SLIT3: variants seen among roughly 807,000 people sequenced by gnomAD.
SLIT3 encodes slit homolog 3 protein.
SLIT3 carries 68 observed loss-of-function variants against 184.0 expected under a neutral mutation model. The observed-to-expected ratio is 0.37, with a 90% CI of 0.30 to 0.45. The LOEUF (loss-of-function observed/expected upper bound fraction) is 0.45. SLIT3 is among the 20% of genes least tolerant of loss of function. The pLI is 1.00. For missense variants in SLIT3, 1,707 were observed against 2,026.0 expected (o/e 0.84, Z 3.02); for synonymous variants, 831 against 828.6 (o/e 1.00, Z -0.05).
At chr5:168,806,863 G>A (rs1289666029) in intron 8 of SLIT3, among the ~76,000 whole-genome samples, 1 of 152,190 alleles carries the variant, frequency 6.6e-6, no homozygotes, top group Non-Finnish European at 1.5e-5. Context: ...GGCCCTCAGA[G>A]TCAGTCACAC....
At chr5:168,954,289 A>G (rs1762751980) in intron 4 of SLIT3, among the ~76,000 whole-genome samples, 1 of 152,154 alleles carries the variant, frequency 6.6e-6, no homozygotes, top group African/African-American at 2.4e-5. Context: ...ACACAATGTG[A>G]GAGGACTGTA....
chr5:169,150,701 T>C (rs900573064), intron 4 of SLIT3, among the ~76,000 whole-genome samples: 1 of 152,114 alleles, frequency 6.6e-6, no homozygotes, highest in African/African-American at 2.4e-5. Flanking sequence ...CTGCTGTGTT[T>C]TAATACTAAT....
chr5:168,723,037 T>C (rs891380900), intron 21 of SLIT3, 33 bp from the exon 22 acceptor site: 7 of 1,541,438 alleles, frequency 4.5e-6, no homozygotes, highest in Middle Eastern at 1.7e-4. Context: ...GTCATGCTTT[T>C]GTCTTAGTTG....
At chr5:168,940,717 C>T (rs114259029) in intron 4 of SLIT3, among the ~76,000 whole-genome samples, 6,339 of 152,182 alleles carry the variant, frequency 0.042, 187 homozygotes, top group Middle Eastern at 0.1. Flanking sequence ...CTGGGCTTTT[C>T]GGGACAGTTT....
At chr5:168,855,154 A>C (rs1042218046) in intron 5 of SLIT3, among the ~76,000 whole-genome samples, 6 of 152,222 alleles carry the variant, frequency 3.9e-5, no homozygotes, top group African/African-American at 1.4e-4. Flanking sequence ...AAAAAGCCCT[A>C]GGATCACATG....
intron 21 of SLIT3, 141 bp downstream of exon 21, chr5:168,724,275 T>G (rs1763035972): frequency 2.0e-6 from 1 of 499,270 alleles, no homozygotes; most frequent in South Asian, 3.8e-5. Flanking sequence ...GCAGACTGGC[T>G]TCTGGTCCTA....
chr5:169,128,869 G>A (rs977207393), intron 4 of SLIT3, among the ~76,000 whole-genome samples: 4 of 152,092 alleles, frequency 2.6e-5, no homozygotes, highest in African/African-American at 7.2e-5. Flanking sequence ...CACTCCAGGC[G>A]ACTGCAGCTC....
At chr5:169,250,077 G>C (rs1359339359) in intron 2 of SLIT3, among the ~76,000 whole-genome samples, 1 of 152,236 alleles carries the variant, frequency 6.6e-6, no homozygotes, top group Non-Finnish European at 1.5e-5. Context: ...ACTGCATGGA[G>C]GTTAGAAAGC....
chr5:169,137,276 A>T (rs1761540806), intron 4 of SLIT3, among the ~76,000 whole-genome samples: 1 of 148,838 alleles, frequency 6.7e-6, no homozygotes. Context: ...TCTCTCAATT[A>T]ATCTCCCCCT....
At chr5:168,870,585 C>T (rs1281208583) in intron 5 of SLIT3, among the ~76,000 whole-genome samples, 1 of 152,184 alleles carries the variant, frequency 6.6e-6, no homozygotes, top group African/African-American at 2.4e-5. Context: ...CTTGACCCTG[C>T]CACGGAATTT....
intron 14 of SLIT3, 71 bp downstream of exon 14, chr5:168,772,710 G>C: frequency 6.5e-7 from 1 of 1,549,282 alleles, no homozygotes; most frequent in Non-Finnish European, 8.9e-7. Context: ...CCTCCAGATT[G>C]GATTATTGGC....
chr5:169,258,210 A>C (rs911822359), intron 1 of SLIT3, among the ~76,000 whole-genome samples: 1 of 152,216 alleles, frequency 6.6e-6, no homozygotes, highest in African/African-American at 2.4e-5. Flanking sequence ...CAAAGGCCAT[A>C]GTTTCACTTA....
intron 6 of SLIT3, among the ~76,000 whole-genome samples, chr5:168,835,156 G>A (rs1033765040): frequency 1.4e-4 from 21 of 152,130 alleles, no homozygotes; most frequent in Non-Finnish European, 2.2e-4. Context: ...AGCCACAGGC[G>A]GGCCCAGGGT....
chr5:169,160,795 C>T (rs1329147943), intron 4 of SLIT3, among the ~76,000 whole-genome samples: 1 of 152,184 alleles, frequency 6.6e-6, no homozygotes, highest in Non-Finnish European at 1.5e-5. Flanking sequence ...AACAGGCCAA[C>T]CACGTGAAGC....
intron 9 of SLIT3, among the ~76,000 whole-genome samples, chr5:168,803,393 G>A (rs1042296689): frequency 2.6e-5 from 4 of 152,204 alleles, no homozygotes; most frequent in African/African-American, 9.7e-5. Context: ...AGTCGTAATA[G>A]ACAGGCTTTT....
intron 4 of SLIT3, among the ~76,000 whole-genome samples, chr5:169,065,364 T>C (rs17734741): frequency 0.037 from 5,640 of 152,186 alleles, 372 homozygotes; most frequent in East Asian, 0.23. Flanking sequence ...TGATGCCAAA[T>C]GGTTAATATG....
intron 17 of SLIT3, among the ~76,000 whole-genome samples, chr5:168,753,447 G>A (rs554705623): frequency 5.9e-5 from 9 of 152,344 alleles, no homozygotes; most frequent in African/African-American, 2.2e-4. Context: ...GTATGTATGT[G>A]TGTGCTTGTG....
intron 32 of SLIT3, among the ~76,000 whole-genome samples, chr5:168,682,790 C>T (rs1054669288): frequency 6.6e-6 from 1 of 152,144 alleles, no homozygotes; most frequent in African/African-American, 2.4e-5. Flanking sequence ...ATGAAATGTG[C>T]TCTTGCCTCT....
intron 3 of SLIT3, among the ~76,000 whole-genome samples, chr5:169,210,837 C>G (rs545434295): frequency 2.6e-5 from 4 of 152,316 alleles, no homozygotes; most frequent in African/African-American, 9.6e-5. Context: ...GAATTATACA[C>G]CCAAGGGTTT....
Sources: gnomAD v4.1 joint callset for allele counts (sites outside exome capture counted in the v4.1 genomes callset) on GRCh38, gnomAD v4.1.1 for gene constraint, MANE v1.5 for transcripts, NCBI Gene and HGNC (gene_info 2026-07-23, HGNC 2026-07-21) for gene names.